ADARB2: variants seen among roughly 807,000 people sequenced by gnomAD.
The protein encoded by ADARB2 is adenosine deaminase RNA specific B2 (inactive), also known as inactive double-stranded RNA-specific editase B2.
A neutral mutation model predicts 62.2 loss-of-function variants in ADARB2; 25 were observed. That is an observed-to-expected ratio of 0.40 (90% CI 0.29 to 0.56). ADARB2 has a LOEUF of 0.56. ADARB2 is among the 20% of genes least tolerant of loss of function. The pLI, the probability that ADARB2 is intolerant of heterozygous loss-of-function variation, is 0.43. For missense variants in ADARB2, 1,071 were observed against 1,077.4 expected, an observed-to-expected ratio of 0.99 and a Z score of 0.08; for synonymous variants, 572 against 500.8, an observed-to-expected ratio of 1.14 and a Z score of -1.90.
At chr10:1,559,910 C>T (rs570292955) in intron 1 of ADARB2, among the ~76,000 whole-genome samples, 6 of 152,184 alleles carry the variant, frequency 3.9e-5, no homozygotes, top group Non-Finnish European at 7.3e-5. Flanking sequence ...GTGTCCTCAC[C>T]CTCGGGGGAG....
At chr10:1,580,515 TAGAGATTTCATTTTA>T (rs1833081907) in intron 1 of ADARB2, among the ~76,000 whole-genome samples, 1 of 151,622 alleles carries the variant, frequency 6.6e-6, no homozygotes. Flanking sequence ...TTTTTTTTTT[TAGAGATTTCATTTTA>T]TTTAGAGCAG....
chr10:1,444,573 A>G lies in ADARB2; in HGVS notation c.101-65413T>C, dbSNP rs1830944586. ...CATTCATCCATCCATCCATCCACCC[A>G]CCACTCTATCTATTCACCATCTTTC... On this transcript the variant is annotated intron_variant, in intron 1 of 9. Transcript: ENST00000381312. Among the ~76,000 whole-genome samples, 3 of 148,752 alleles carry G rather than the reference A, an allele frequency of 2.0e-5. No homozygotes were observed. The South Asian group carries it at 6.4e-4, about 32-fold the overall frequency.
intron 1 of ADARB2, among the ~76,000 whole-genome samples, chr10:1,677,626 C>T (rs956663682): frequency 6.6e-6 from 1 of 152,162 alleles, no homozygotes; most frequent in African/African-American, 2.4e-5. Context: ...GGATTTGGAG[C>T]TCAAGAAGGC....
intron 4 of ADARB2, 38 bp from the exon 5 acceptor site, chr10:1,242,337 G>T: frequency 6.6e-7 from 1 of 1,508,160 alleles, no homozygotes; most frequent in Non-Finnish European, 8.9e-7. Flanking sequence ...CGTGGCCCAC[G>T]GCCCCCGTCT....
chr10:1,735,551 A>G (rs766026021), intron 1 of ADARB2, among the ~76,000 whole-genome samples: 2 of 152,258 alleles, frequency 1.3e-5, no homozygotes, highest in Admixed American at 6.5e-5. Context: ...TTCCTCTTTT[A>G]AAAGTCATAT....
At chr10:1,251,786 T>C (rs890278949) in intron 4 of ADARB2, among the ~76,000 whole-genome samples, 7 of 152,162 alleles carry the variant, frequency 4.6e-5, no homozygotes, top group Admixed American at 4.6e-4. Flanking sequence ...AATACCCCTA[T>C]AAAAGAGACT....
intron 3 of ADARB2, among the ~76,000 whole-genome samples, chr10:1,293,244 C>CA (rs1554752384): frequency 8.2e-5 from 5 of 61,074 alleles, no homozygotes; most frequent in African/African-American, 3.3e-4. Flanking sequence ...GAGAGAGGGA[C>CA]GGGGGGAGAG....
At chr10:1,464,904 C>T (rs1272044175) in intron 1 of ADARB2, among the ~76,000 whole-genome samples, 4 of 152,344 alleles carry the variant, frequency 2.6e-5, no homozygotes, top group East Asian at 1.9e-4. Flanking sequence ...AGTCACCTCC[C>T]GCAGGGTGAG....
chr10:1,276,581 T>C (rs1476636929), intron 3 of ADARB2, among the ~76,000 whole-genome samples: 1 of 152,170 alleles, frequency 6.6e-6, no homozygotes, highest in Non-Finnish European at 1.5e-5. Flanking sequence ...ATTCACCCAA[T>C]ACAGGAGCAC....
At chr10:1,288,863 G>A (rs1276791298) in intron 3 of ADARB2, among the ~76,000 whole-genome samples, 3 of 152,176 alleles carry the variant, frequency 2.0e-5, no homozygotes, top group Admixed American at 1.3e-4. Flanking sequence ...CTAAACGCTG[G>A]TGTAAGCCAA....
At chr10:1,713,079 T>C (rs927196693) in intron 1 of ADARB2, among the ~76,000 whole-genome samples, 4 of 152,080 alleles carry the variant, frequency 2.6e-5, no homozygotes, top group African/African-American at 9.7e-5. Flanking sequence ...AGTGGCCAGT[T>C]TGAGAAAAAA....
intron 1 of ADARB2, among the ~76,000 whole-genome samples, chr10:1,600,864 C>T (rs1259205593): frequency 6.6e-6 from 1 of 152,110 alleles, no homozygotes; most frequent in Non-Finnish European, 1.5e-5. Context: ...CTAAATCCCT[C>T]CTCCCAGGTG....
At chr10:1,576,904 C>A (rs1425429131) in intron 1 of ADARB2, among the ~76,000 whole-genome samples, 2 of 152,148 alleles carry the variant, frequency 1.3e-5, no homozygotes, top group Non-Finnish European at 2.9e-5. Flanking sequence ...CCTCAGTTCC[C>A]CTTCTGGTCT....
intron 1 of ADARB2, among the ~76,000 whole-genome samples, chr10:1,519,904 T>C (rs1832052835): frequency 6.6e-6 from 1 of 152,162 alleles, no homozygotes; most frequent in Admixed American, 6.5e-5. Flanking sequence ...TTCAAATAAT[T>C]GCCATGTAGG....
intron 3 of ADARB2, among the ~76,000 whole-genome samples, chr10:1,296,154 C>T (rs747605482): frequency 6.6e-6 from 1 of 152,234 alleles, no homozygotes; most frequent in Non-Finnish European, 1.5e-5. Flanking sequence ...CAAACCTCTG[C>T]TTATTGGGAC....
chr10:1,441,414 A>G (rs1181703324), intron 1 of ADARB2, among the ~76,000 whole-genome samples: 1 of 152,252 alleles, frequency 6.6e-6, no homozygotes, highest in Non-Finnish European at 1.5e-5. Flanking sequence ...TAAAGAGACA[A>G]CTTCTCAGAG....
intron 1 of ADARB2, among the ~76,000 whole-genome samples, chr10:1,508,226 C>T (rs924807514): frequency 6.6e-6 from 1 of 152,176 alleles, no homozygotes; most frequent in African/African-American, 2.4e-5. Context: ...TGTCACCGAC[C>T]TCCATCCATC....
At position 1,688,611 on chromosome 10, in the gene ADARB2, C is replaced by T. The variant is rs149062440; in HGVS notation, c.100+48440G>A. Among the ~76,000 whole-genome samples the T allele has an allele frequency of 7.4e-4, 113 of 152,336 alleles. 1 individual carries two copies. The East Asian group carries it at 0.018, about 24-fold the overall frequency. ...GGTCCCTCCCCGCCCCCCGCCTGGC[C>T]TTCTGACTGTCATGTCACACACACT... On this transcript the variant is annotated intron_variant, in intron 1 of 9. Transcript: ENST00000381312.
At chr10:1,408,033 C>T (rs1042648927) in intron 1 of ADARB2, among the ~76,000 whole-genome samples, 3 of 152,204 alleles carry the variant, frequency 2.0e-5, no homozygotes, top group African/African-American at 7.2e-5. Context: ...AGGGCTCACA[C>T]TGTTAATTAT....
Sources: allele counts gnomAD v4.1 joint callset (sites outside exome capture counted in the v4.1 genomes callset), GRCh38; gene constraint gnomAD v4.1.1; transcripts MANE v1.5; gene names NCBI Gene and HGNC (gene_info 2026-07-23, HGNC 2026-07-21).